The following MLXIP variants were observed in gnomAD, a reference collection of about 807,000 sequenced individuals.
MLXIP encodes the protein MLX-interacting protein.
MLXIP carries 30 observed loss-of-function variants against 87.2 expected under a neutral mutation model. The observed-to-expected ratio is 0.34, with a 90% CI of 0.26 to 0.47. The LOEUF is 0.47. Ranked by LOEUF, MLXIP falls within the 20% of genes least tolerant of loss-of-function variation. MLXIP has a pLI of 1.00. For synonymous variants in MLXIP, 530 were observed against 514.0 expected (o/e 1.03, Z -0.42); for missense variants, 1,002 against 1,240.1 (o/e 0.81, Z 2.88).
At chr12:122,083,726 T>C (rs1952125144) in intron 1 of MLXIP, among the ~76,000 whole-genome samples, 1 of 152,210 alleles carries the variant, frequency 6.6e-6, no homozygotes, top group Non-Finnish European at 1.5e-5. Context: ...CCCTTCATTC[T>C]TGATCAAAGC....
chr12:122,141,538 G>C, intron 16 of MLXIP, 153 bp from the exon 17 acceptor site: 1 of 823,498 alleles, frequency 1.2e-6, no homozygotes, highest in Non-Finnish European at 1.5e-6. Context: ...CCAGGTCTCG[G>C]TGTCGGCCCC....
At chr12:122,139,620 G>T (rs1046319644) in intron 15 of MLXIP, among the ~76,000 whole-genome samples, 2 of 152,204 alleles carry the variant, frequency 1.3e-5, no homozygotes, top group African/African-American at 4.8e-5. Flanking sequence ...CAGCTATCGG[G>T]CAGGGCAGGG....
At chr12:122,092,976 A>T (rs1312433555) in intron 1 of MLXIP, among the ~76,000 whole-genome samples, 1 of 112,138 alleles carries the variant, frequency 8.9e-6, no homozygotes, top group African/African-American at 3.6e-5. Context: ...TGGTGTGGGT[A>T]TGTATGTGTT....
Position 122,141,775 on chromosome 12 carries a change from C to T in MLXIP, c.2723C>T (p.Ala908Val), listed in dbSNP as rs1435248743. 5 of 1,613,736 alleles carry T rather than the reference C, an allele frequency of 3.1e-6. No individual in the cohort carries two copies. The East Asian group carries it at 6.7e-5, about 22-fold the overall frequency. The change falls in exon 17 of 17, where the codon GCT becomes GTT. Residue 908 changes from alanine to valine, a missense_variant. This residue lies in a region of MLXIP where 746 missense variants were observed against 897.0 expected (regional missense o/e 0.83). Coordinates refer to ENST00000319080, the MANE Select transcript of MLXIP (RefSeq NM_014938.6). The part of the protein sequence containing the change: ...PAQLPEQASK[A>V]VTRIGKRLGE... ...CAGCTGCCAGAGCAGGCGTCCAAGG[C>T]TGTCACCAGGATTGGCAAGAGATTG...
At chr12:122,083,056 GC>G (rs1565954108) in intron 1 of MLXIP, among the ~76,000 whole-genome samples, 2 of 152,172 alleles carry the variant, frequency 1.3e-5, no homozygotes, top group African/African-American at 2.4e-5. Flanking sequence ...CTGGCCTTAA[GC>G]AGTCCTTCCA....
At chr12:122,131,197 G>GACACAGCC (rs2135976786) in intron 7 of MLXIP, among the ~76,000 whole-genome samples, 1 of 152,214 alleles carries the variant, frequency 6.6e-6, no homozygotes, top group East Asian at 1.9e-4. Flanking sequence ...GGGCACTGAT[G>GACACAGCC]ACACAGCCAG....
At position 122,146,266 on chromosome 12, in the gene MLXIP, G is replaced by C. The variant is rs1434660406; in HGVS notation, c.*4454G>C. ...CTTGTCAGGGGAGAGGGGACAGCAA[G>C]GTGGGAGGTTGAAGAGCTTTGAGGC... is the stretch of plus-strand genomic sequence containing the variant. On this transcript the variant is annotated 3_prime_UTR_variant, in exon 17 of 17. Transcript: ENST00000319080. 6.6e-6 allele frequency: 1 copy of C among 152,406 alleles called. No homozygotes were observed. The highest frequency in any genetic ancestry group is 1.5e-5 in the Non-Finnish European group (1 of 68,164). 9.4% of individuals were successfully genotyped at this position (152,406 alleles called of 1,614,324 possible).
chr12:122,082,985 T>A lies in MLXIP; in HGVS notation c.413+3719T>A, dbSNP rs545446137. On this transcript the variant is annotated intron_variant, in intron 1 of 16. Coordinates refer to ENST00000319080, the MANE Select transcript of MLXIP (RefSeq NM_014938.6). ...GCGGGCACGCACTACTATGCCTGGC[T>A]AATTTTTTATTTTTTGTAGATATGG... is the stretch of plus-strand genomic sequence containing the variant. 1.2e-4 allele frequency among the ~76,000 whole-genome samples: 18 copies of A among 152,334 alleles called. No individual in the cohort carries two copies. The South Asian group carries it at 3.5e-3, about 30-fold the overall frequency.
chr12:122,083,045 C>G lies in MLXIP; in HGVS notation c.413+3779C>G, dbSNP rs1204620660. Among the ~76,000 whole-genome samples the G allele has an allele frequency of 2.6e-5, 4 of 152,310 alleles. No homozygotes were observed. In the East Asian group the frequency reaches 7.7e-4, roughly 29 times the overall value. ...ATGCTTCTCAGGATGGTCTTGAACTCCTGGCCTTAAGCAGTCCTTCCACCT... is the reference window on the plus strand; with the variant it reads ...ATGCTTCTCAGGATGGTCTTGAACTGCTGGCCTTAAGCAGTCCTTCCACCT... On this transcript the variant is annotated intron_variant, in intron 1 of 16. Coordinates refer to ENST00000319080, the MANE Select transcript of MLXIP (RefSeq NM_014938.6).
At chr12:122,097,849 C>G (rs1227609967) in intron 1 of MLXIP, among the ~76,000 whole-genome samples, 1 of 151,332 alleles carries the variant, frequency 6.6e-6, no homozygotes, top group Non-Finnish European at 1.5e-5. Context: ...CATGGGTTCC[C>G]CCTCCCCACA....
In MLXIP at chr12:122,081,214, G is replaced by T. The variant is rs889877625; in HGVS notation, c.413+1948G>T. On this transcript the variant is annotated intron_variant, in intron 1 of 16. Transcript: ENST00000319080. ...TTGCTCTCTTGGCTCTCTCACTTTC[G>T]CTGCTTTTCCCTGTGCCTAAGGTCT... Among the ~76,000 whole-genome samples the T allele has an allele frequency of 2.6e-5, 4 of 152,080 alleles. No individual in the cohort carries two copies. The East Asian group carries it at 5.8e-4, about 22-fold the overall frequency.
chr12:122,096,679 G>C (rs954752742), intron 1 of MLXIP, among the ~76,000 whole-genome samples: 2 of 152,196 alleles, frequency 1.3e-5, no homozygotes, highest in African/African-American at 4.8e-5. Context: ...GTGGGGCAGG[G>C]GTAGAACGCA....
Position 122,079,020 on chromosome 12 carries a change from C to A in MLXIP, c.167C>A (p.Ala56Asp). The A allele has an allele frequency of 7.6e-7, 1 of 1,318,288 alleles. No homozygotes were observed. Among genetic ancestry groups the A allele is most frequent in the Non-Finnish European group, 9.7e-7 (1 of 1,033,716 alleles). The allele number at this position is 1,318,288 out of a possible 1,614,324, so 81.7% of individuals were successfully genotyped here. Residue 56 changes from alanine to aspartate, a missense_variant, in exon 1 of 17, where the codon GCC becomes GAC. Physicochemically the swap from Ala to Asp is moderately radical, Grantham distance 126. This residue lies in a region of MLXIP where 129 missense variants were observed against 104.2 expected (regional missense o/e 1.24). Coordinates refer to ENST00000319080, the MANE Select transcript of MLXIP (RefSeq NM_014938.6). ...AATPARAHAS[A>D]APPPPRAGPG... ...ACCCCGGCCCGGGCCCACGCGAGCGCCGCGCCACCGCCGCCTCGGGCCGGG... is the reference window on the plus strand; with the variant it reads ...ACCCCGGCCCGGGCCCACGCGAGCGACGCGCCACCGCCGCCTCGGGCCGGG...
chr12:122,132,257 A>C, intron 7 of MLXIP, 35 bp from the exon 8 acceptor site: 2 of 1,519,596 alleles, frequency 1.3e-6, no homozygotes, highest in East Asian at 2.3e-5. Flanking sequence ...TGCTGGGCAC[A>C]CTGAGCTCAG....
Position 122,121,010 on chromosome 12 carries a change from G to GTTTTTTTTTTTTTTTTTTTT in MLXIP, c.414-6228_414-6227insTTTTTTTTTTTTTTTTTTTT, listed in dbSNP as rs1233404015. On this transcript the variant is annotated intron_variant, in intron 1 of 16. Transcript: ENST00000319080. ...AGCCCCAGAGCCCTCTGCATGCTTG[G>GTTTTTTTTTTTTTTTTTTTT]TTTTTTTTTTTTTTTTTTGAAACGG... Among the ~76,000 whole-genome samples, 261 of 111,840 alleles carry GTTTTTTTTTTTTTTTTTTTT rather than the reference G, an allele frequency of 2.3e-3. 25 individuals are homozygous for GTTTTTTTTTTTTTTTTTTTT. Among genetic ancestry groups the GTTTTTTTTTTTTTTTTTTTT allele is most frequent in the African/African-American group, 8.4e-3 (230 of 27,402 alleles). 73.4% of individuals were successfully genotyped at this position (111,840 alleles called of 152,430 possible).
chr12:122,082,570 G>A (rs990399301), intron 1 of MLXIP, among the ~76,000 whole-genome samples: 1 of 152,172 alleles, frequency 6.6e-6, no homozygotes, highest in East Asian at 1.9e-4. Flanking sequence ...CAGAATTTTA[G>A]TTCTGCATCT....
chr12:122,133,319 G>C lies in MLXIP; in HGVS notation c.1093-29G>C. On this transcript the variant is annotated intron_variant, in intron 8 of 16. Coordinates refer to ENST00000319080, the MANE Select transcript of MLXIP (RefSeq NM_014938.6). The surrounding 1 kb of genome is among the most constrained non-coding windows in gnomAD (Gnocchi z 4.9). ...AAAGGAATTGTCTGACCCCAGCATT[G>C]CTTCCTGGCTCCTTTCTTCCTTTTT... The C allele has an allele frequency of 6.5e-7, 1 of 1,531,180 alleles. No homozygotes were observed. Among genetic ancestry groups the C allele is most frequent in the Non-Finnish European group, 8.8e-7 (1 of 1,139,008 alleles). 94.8% of individuals were successfully genotyped at this position (1,531,180 alleles called of 1,614,324 possible).
chr12:122,124,215 C>T (rs1264421164), intron 1 of MLXIP, among the ~76,000 whole-genome samples: 1 of 26,718 alleles, frequency 3.7e-5, no homozygotes, highest in African/African-American at 2.4e-4. Context: ...TCCCCCTCCT[C>T]AGCCGTCCCC....
chr12:122,130,007 G>T lies in MLXIP; in HGVS notation c.805G>T (p.Asp269Tyr), dbSNP rs1952948945. 2 of 1,613,920 alleles carry T rather than the reference G, an allele frequency of 1.2e-6. No homozygotes were observed. Among genetic ancestry groups the T allele is most frequent in the Non-Finnish European group, 1.7e-6 (2 of 1,179,902 alleles). ...GAAGACCCCCGTCCCCATGGAGGAGGATCCCCTGCTGGACACAGACATGCT... is the reference window on the plus strand; with the variant it reads ...GAAGACCCCCGTCCCCATGGAGGAGTATCCCCTGCTGGACACAGACATGCT... ...GWKTPVPMEE[D>Y]PLLDTDMLMS... Residue 269 changes from aspartate (D) to tyrosine (Y), a missense_variant, in exon 6 of 17, where the codon GAT (aspartate) becomes TAT (tyrosine). Physicochemically the swap from Asp to Tyr is radical, Grantham distance 160. Transcript: ENST00000319080.
Sources: allele counts gnomAD v4.1 joint callset (sites outside exome capture counted in the v4.1 genomes callset), GRCh38; gene constraint gnomAD v4.1.1; regional missense constraint gnomAD v4.1.1; non-coding constraint Gnocchi (gnomAD v3.1); transcripts MANE v1.5; gene names NCBI Gene and HGNC (gene_info 2026-07-23, HGNC 2026-07-21).